ALG5: variants seen among roughly 807,000 people sequenced by gnomAD.
ALG5 encodes ALG5 dolichyl-phosphate beta-glucosyltransferase, also known as dolichyl-phosphate beta-glucosyltransferase.
ALG5 carries 26 observed loss-of-function variants against 51.8 expected under a neutral mutation model. The ratio of observed to expected loss-of-function variants is 0.50; its 90% confidence interval spans 0.37 to 0.70. ALG5 has a LOEUF of 0.70. Ranked by LOEUF, ALG5 falls within the 30% of genes least tolerant of loss-of-function variation. The pLI is 0.00. For synonymous variants in ALG5, 141 were observed against 136.1 expected (o/e 1.04, Z -0.25); for missense variants, 311 against 399.3 (o/e 0.78, Z 1.88).
At chr13:36,975,027 A>G (rs953508558) in intron 6 of ALG5, among the ~76,000 whole-genome samples, 2 of 152,186 alleles carry the variant, frequency 1.3e-5, no homozygotes, top group African/African-American at 4.8e-5. Context: ...CCTGGCCTAC[A>G]TGGTGAAACC....
chr13:36,992,442 C>G (rs1456100015), intron 4 of ALG5, among the ~76,000 whole-genome samples: 2 of 152,172 alleles, frequency 1.3e-5, no homozygotes, highest in African/African-American at 4.8e-5. Context: ...ACTAATAAGA[C>G]TTTACTATGT....
Position 36,999,256 on chromosome 13 carries a change from C to G in ALG5, c.45G>C (p.Leu15=), listed in dbSNP as rs561093528. The G allele has an allele frequency of 1.9e-6, 3 of 1,580,766 alleles. No homozygotes were observed. The highest frequency in any genetic ancestry group is 2.3e-5 in the South Asian group (2 of 87,624). ...LLQLAVLGAA[L]AAAALVLISI... is the part of the protein sequence containing the mutation. ...TCACCAGTACGAGGGCTGCGGCCGC[C>G]AGCGCCGCGCCGAGCACCGCCAGCT... Residue 15 remains leucine, a synonymous_variant, in exon 1 of 10, where the codon CTG becomes CTC. Transcript: ENST00000239891.
At chr13:36,954,765 C>T (rs1290394370) in intron 8 of ALG5, among the ~76,000 whole-genome samples, 4 of 152,132 alleles carry the variant, frequency 2.6e-5, no homozygotes, top group Non-Finnish European at 4.4e-5. Flanking sequence ...GTTCCTGGTA[C>T]AGCTGTTATC....
chr13:36,967,593 C>CA, intron 7 of ALG5: 1 of 282,274 alleles, frequency 3.5e-6, no homozygotes, highest in South Asian at 3.7e-5. Flanking sequence ...GTATGTAAAA[C>CA]AAACTTTTAA....
intron 6 of ALG5, among the ~76,000 whole-genome samples, chr13:36,980,702 G>A (rs1396933094): frequency 2.0e-5 from 3 of 152,076 alleles, no homozygotes; most frequent in African/African-American, 7.2e-5. Context: ...GCTGAGCGTG[G>A]TGGCCCATGC....
At chr13:36,983,735 A>G (rs1937762) in intron 6 of ALG5, among the ~76,000 whole-genome samples, 2,370 of 152,284 alleles carry the variant, frequency 0.016, 60 homozygotes, top group African/African-American at 0.054. Context: ...TCTCTTAAGA[A>G]TTATATTAGT....
chr13:36,981,741 C>T (rs2058980253), intron 6 of ALG5, among the ~76,000 whole-genome samples: 1 of 152,160 alleles, frequency 6.6e-6, no homozygotes, highest in Admixed American at 6.6e-5. Flanking sequence ...TCCACACGAA[C>T]AGACACATCT....
chr13:36,976,709 C>T (rs953947246), intron 6 of ALG5, among the ~76,000 whole-genome samples: 4 of 151,770 alleles, frequency 2.6e-5, no homozygotes, highest in South Asian at 2.1e-4. Flanking sequence ...GATCGCACCA[C>T]TGCACTCCAG....
In ALG5 at chr13:36,954,534, C is replaced by CATGAAGAT. The variant is rs1216735402; in HGVS notation, c.774-1936_774-1935insATCTTCAT. 2.5e-4 allele frequency among the ~76,000 whole-genome samples: 38 copies of CATGAAGAT among 152,168 alleles called. 1 individual carries two copies. Among genetic ancestry groups the CATGAAGAT allele is most frequent in the African/African-American group, 9.2e-4 (38 of 41,500 alleles). On this transcript the variant is annotated intron_variant, in intron 8 of 9. Transcript: ENST00000239891. ...TTCTCCTCTTAAACATTTTAGAAGA[C>CATGAAGAT]ATTTATTACACATACAAAAAAATGC...
intron 1 of ALG5, among the ~76,000 whole-genome samples, chr13:36,995,810 G>A (rs1432541672): frequency 1.3e-5 from 2 of 152,110 alleles, no homozygotes; most frequent in African/African-American, 4.8e-5. Flanking sequence ...CCATCAGTAA[G>A]GTGCTGATGC....
chr13:36,956,532 G>GT (rs2058840415), intron 8 of ALG5, among the ~76,000 whole-genome samples: 1 of 152,170 alleles, frequency 6.6e-6, no homozygotes, highest in Admixed American at 6.5e-5. Context: ...GCACTCTCAT[G>GT]TTCACTGCAG....
At chr13:36,973,991 T>C (rs1298757609) in intron 6 of ALG5, among the ~76,000 whole-genome samples, 1 of 152,218 alleles carries the variant, frequency 6.6e-6, no homozygotes. Context: ...TTCCGACAAA[T>C]ATACTTGCAT....
At chr13:36,995,855 G>T (rs1239083924) in intron 1 of ALG5, among the ~76,000 whole-genome samples, 1 of 152,012 alleles carries the variant, frequency 6.6e-6, no homozygotes, top group South Asian at 2.1e-4. Flanking sequence ...GTCATCATTC[G>T]CCAGGCCTCC....
intron 6 of ALG5, among the ~76,000 whole-genome samples, chr13:36,984,753 A>G (rs2138818333): frequency 1.3e-5 from 2 of 152,138 alleles, no homozygotes; most frequent in East Asian, 3.9e-4. Flanking sequence ...GTGGGAAGGC[A>G]GGGAGGAGGG....
chr13:36,952,806 A>C, intron 8 of ALG5: 1 of 383,008 alleles, frequency 2.6e-6, no homozygotes, highest in Non-Finnish European at 4.6e-6. Flanking sequence ...ATCATTGCAT[A>C]ATATTGTATC....
chr13:36,993,571 A>G (rs1566068378), intron 4 of ALG5, 33 bp downstream of exon 4: 2 of 1,568,906 alleles, frequency 1.3e-6, no homozygotes, highest in Middle Eastern at 1.7e-4. Flanking sequence ...CTATTTTCTA[A>G]CTATTGTCAA....
intron 3 of ALG5, 60 bp from the exon 4 acceptor site, chr13:36,993,732 C>A: frequency 7.4e-7 from 1 of 1,360,400 alleles, no homozygotes; most frequent in South Asian, 1.2e-5. Flanking sequence ...GTATTCTAAT[C>A]AAATCACCAG....
At chr13:36,965,918 A>C (rs951424577) in intron 7 of ALG5, among the ~76,000 whole-genome samples, 192 bp from the exon 8 acceptor site, 2 of 152,186 alleles carry the variant, frequency 1.3e-5, no homozygotes, top group African/African-American at 4.8e-5. Flanking sequence ...TGCTTGGAGC[A>C]GAGTAGAGGC....
rs1359337121 is a variant in ALG5, at chr13:36,989,707, G to A, written c.355-131C>T. The stretch of plus-strand genomic sequence containing the variant: ...TTCTTGTGACTAGGTTACACCCACT[G>A]TACATTCTGATGACCTGGAGGAGCT... On this transcript the variant is annotated intron_variant, in intron 4 of 9. Transcript: ENST00000239891. The A allele has an allele frequency of 4.7e-6, 3 of 642,532 alleles. No homozygotes were observed. The East Asian group carries it at 8.3e-5, about 18-fold the overall frequency. 39.8% of individuals were successfully genotyped at this position (642,532 alleles called of 1,614,324 possible). A position where few individuals can be genotyped will look rare whatever the true frequency, so the allele number is the denominator to read the frequency against.
Sources: gnomAD v4.1 joint callset for allele counts (sites outside exome capture counted in the v4.1 genomes callset) on GRCh38, gnomAD v4.1.1 for gene constraint, MANE v1.5 for transcripts, NCBI Gene and HGNC (gene_info 2026-07-23, HGNC 2026-07-21) for gene names.